RALGPS2: variants seen among roughly 807,000 people sequenced by gnomAD.
The protein encoded by RALGPS2 is ras-specific guanine nucleotide-releasing factor RalGPS2.
In RALGPS2, 43 loss-of-function variants were observed where a neutral mutation model predicts 86.8. That is an observed-to-expected ratio of 0.50 (90% CI 0.39 to 0.64). RALGPS2 has a LOEUF of 0.64. RALGPS2 is among the 30% of genes least tolerant of loss of function. RALGPS2 has a pLI of 0.00. For missense variants in RALGPS2, 536 were observed against 694.6 expected, an observed-to-expected ratio of 0.77 and a Z score of 2.57; for synonymous variants, 243 against 231.3, an observed-to-expected ratio of 1.05 and a Z score of -0.46.
chr1:178,811,066 A>AT lies in RALGPS2; in HGVS notation c.298-242dup, dbSNP rs570312996. ...TCTTAGAATGTTAACTTAGATATAT[A>AT]TTTTTTTCTTTTGATATTTTATTTA... is the stretch of plus-strand genomic sequence containing the variant. On this transcript the variant is annotated intron_variant, in intron 5 of 19. Coordinates refer to ENST00000367635, the MANE Select transcript of RALGPS2 (RefSeq NM_152663.5). Among the ~76,000 whole-genome samples, 904 of 152,062 alleles carry AT rather than the reference A, an allele frequency of 5.9e-3. 5 individuals carry two copies. The highest frequency in any genetic ancestry group is 8.9e-3 in the Non-Finnish European group (602 of 67,916).
chr1:178,774,445 C>T (rs944170678), intron 1 of RALGPS2, among the ~76,000 whole-genome samples: 1 of 152,056 alleles, frequency 6.6e-6, no homozygotes, highest in African/African-American at 2.4e-5. Flanking sequence ...AAATTAAAAT[C>T]TTTTTCTTAG....
At chr1:178,897,639 A>T (rs761651584) in intron 16 of RALGPS2, 25 bp from the exon 17 acceptor site, 9 of 1,557,728 alleles carry the variant, frequency 5.8e-6, no homozygotes, top group Non-Finnish European at 7.1e-6. Flanking sequence ...TTGTAATAGT[A>T]TATTCCTGTG....
At chr1:178,739,091 C>CT (rs558523695) in intron 1 of RALGPS2, among the ~76,000 whole-genome samples, 210 of 151,790 alleles carry the variant, frequency 1.4e-3, no homozygotes, top group Non-Finnish European at 2.4e-3. Flanking sequence ...TAAGTTTTTT[C>CT]TTTTTTTTGC....
At chr1:178,834,958 A>G (rs1656203006) in intron 8 of RALGPS2, among the ~76,000 whole-genome samples, 1 of 152,078 alleles carries the variant, frequency 6.6e-6, no homozygotes, top group Non-Finnish European at 1.5e-5. Context: ...TTGTATTTTT[A>G]GTAGAGACAG....
chr1:178,849,119 G>A (rs567537950), intron 8 of RALGPS2, among the ~76,000 whole-genome samples: 19 of 152,176 alleles, frequency 1.2e-4, no homozygotes, highest in African/African-American at 1.9e-4. Flanking sequence ...CAAAAACCAC[G>A]AGCTAGATAT....
At chr1:178,865,241 T>G in intron 8 of RALGPS2, 1 of 1,614,116 alleles carries the variant, frequency 6.2e-7, no homozygotes, top group African/African-American at 1.3e-5. Context: ...CAAGGAAGCG[T>G]ATTTCACCTC....
intron 10 of RALGPS2, 108 bp downstream of exon 10, chr1:178,879,100 A>G: frequency 2.1e-6 from 3 of 1,444,896 alleles, no homozygotes; most frequent in Non-Finnish European, 1.8e-6. Flanking sequence ...ACAAAGGACT[A>G]ATCCAGTGGT....
intron 8 of RALGPS2, among the ~76,000 whole-genome samples, chr1:178,862,172 G>A (rs1003019157): frequency 2.0e-5 from 3 of 151,924 alleles, no homozygotes; most frequent in Non-Finnish European, 4.4e-5. Context: ...CATGCCCGGC[G>A]AGGATATTAA....
At chr1:178,829,569 C>G (rs1205887850) in intron 7 of RALGPS2, among the ~76,000 whole-genome samples, 3 of 152,054 alleles carry the variant, frequency 2.0e-5, no homozygotes, top group Admixed American at 2.0e-4. Context: ...CATTCATGTT[C>G]ATGGAAAAAT....
At chr1:178,813,107 A>C (rs1485291168) in intron 6 of RALGPS2, among the ~76,000 whole-genome samples, 1 of 151,516 alleles carries the variant, frequency 6.6e-6, no homozygotes, top group Admixed American at 6.6e-5. Flanking sequence ...TAATTTTTGT[A>C]TTTTTAGTAG....
At chr1:178,902,021 C>G in intron 17 of RALGPS2, 85 bp from the exon 18 acceptor site, 1 of 969,192 alleles carries the variant, frequency 1.0e-6, no homozygotes, top group Non-Finnish European at 1.6e-6. Flanking sequence ...TTAGGAGAAA[C>G]TGAAAATACA....
At chr1:178,790,079 G>A (rs548828632) in intron 4 of RALGPS2, among the ~76,000 whole-genome samples, 1 of 152,130 alleles carries the variant, frequency 6.6e-6, no homozygotes, top group South Asian at 2.1e-4. Context: ...CTCCCAAGTA[G>A]CTGGGACCAT....
At chr1:178,801,119 T>G (rs930426078) in intron 4 of RALGPS2, among the ~76,000 whole-genome samples, 1 of 151,908 alleles carries the variant, frequency 6.6e-6, no homozygotes, top group Non-Finnish European at 1.5e-5. Flanking sequence ...TAGAGAGGGA[T>G]TTCACCATAT....
At chr1:178,748,581 G>C (rs192851689) in intron 1 of RALGPS2, among the ~76,000 whole-genome samples, 1 of 149,924 alleles carries the variant, frequency 6.7e-6, no homozygotes, top group Non-Finnish European at 1.5e-5. Context: ...GGCTGGGCAC[G>C]GTGGCTCACG....
chr1:178,776,420 A>T (rs549647915), intron 1 of RALGPS2, among the ~76,000 whole-genome samples: 2 of 152,120 alleles, frequency 1.3e-5, no homozygotes, highest in Admixed American at 6.5e-5. Flanking sequence ...CCCTCGCAAT[A>T]CCCACTTAGC....
At chr1:178,823,550 G>A (rs2102229106) in intron 7 of RALGPS2, among the ~76,000 whole-genome samples, 1 of 152,298 alleles carries the variant, frequency 6.6e-6, no homozygotes, top group Middle Eastern at 3.4e-3. Context: ...AGGAATTGAG[G>A]GAACCATTTA....
chr1:178,851,276 A>T (rs148863716), intron 8 of RALGPS2: 1 of 1,613,372 alleles, frequency 6.2e-7, no homozygotes, highest in Non-Finnish European at 8.5e-7. Context: ...GTGCACAGGC[A>T]TTGTACCACC....
intron 8 of RALGPS2, among the ~76,000 whole-genome samples, chr1:178,871,726 ACCTCT>A (rs1226167675): frequency 6.6e-6 from 1 of 152,134 alleles, no homozygotes; most frequent in Non-Finnish European, 1.5e-5. Flanking sequence ...CTACAAAATG[ACCTCT>A]CCTCTCTGTA....
chr1:178,902,264 A>G, intron 18 of RALGPS2, 53 bp downstream of exon 18: 1 of 1,283,466 alleles, frequency 7.8e-7, no homozygotes, highest in South Asian at 1.2e-5. Flanking sequence ...GTTTGTGTAT[A>G]TGTATGTATG....
Sources: allele counts gnomAD v4.1 joint callset (sites outside exome capture counted in the v4.1 genomes callset), GRCh38; gene constraint gnomAD v4.1.1; transcripts MANE v1.5; gene names NCBI Gene and HGNC (gene_info 2026-07-23, HGNC 2026-07-21).